Variants in MYRIP observed in about 807,000 individuals in gnomAD.
MYRIP encodes rab effector MyRIP.
Under a neutral mutation model 98.0 loss-of-function variants are expected in MYRIP, and 49 were observed. The observed-to-expected ratio is 0.50, with a 90% CI of 0.40 to 0.63. The LOEUF (loss-of-function observed/expected upper bound fraction) is 0.63, where lower values mean the gene tolerates loss of function less well. Ranked by LOEUF, MYRIP falls within the 30% of genes least tolerant of loss-of-function variation. The pLI is 0.00. For synonymous variants in MYRIP, 404 were observed against 409.5 expected, an observed-to-expected ratio of 0.99 and a Z score of 0.16; for missense variants, 1,004 against 1,058.2, an observed-to-expected ratio of 0.95 and a Z score of 0.71.
At chr3:40,092,472 G>T (rs964848531) in intron 3 of MYRIP, among the ~76,000 whole-genome samples, 19 of 152,250 alleles carry the variant, frequency 1.2e-4, no homozygotes, top group Non-Finnish European at 1.6e-4. Context: ...GGGGCATTCA[G>T]GAAAAATCCA....
At chr3:40,001,783 G>A (rs1946524521) in intron 2 of MYRIP, among the ~76,000 whole-genome samples, 1 of 152,172 alleles carries the variant, frequency 6.6e-6, no homozygotes, top group Admixed American at 6.5e-5. Context: ...GGGAAGAGCT[G>A]ATTGCAATAA....
rs116733324 is a variant in MYRIP at position 40,125,933 on chromosome 3, G to A, written c.333-25115G>A. ...CAGTGACATACTCAGGGGTCCCAGC[G>A]TGAGGGCTGTTCTCTTCCATCCAGA... On this transcript the variant is annotated intron_variant, in intron 3 of 16. Coordinates refer to ENST00000302541, the MANE Select transcript of MYRIP (RefSeq NM_015460.4). Among the ~76,000 whole-genome samples the A allele has an allele frequency of 5.4e-3, 816 of 152,184 alleles. 7 individuals carry two copies. The highest frequency in any genetic ancestry group is 0.018 in the African/African-American group (745 of 41,510).
chr3:40,194,408 A>C (rs1951329101), intron 10 of MYRIP, among the ~76,000 whole-genome samples: 2 of 152,056 alleles, frequency 1.3e-5, no homozygotes, highest in African/African-American at 4.8e-5. Context: ...TGTTCCATTG[A>C]TCTAGAAGCC....
At chr3:39,974,789 T>A (rs941842641) in intron 2 of MYRIP, among the ~76,000 whole-genome samples, 2 of 152,070 alleles carry the variant, frequency 1.3e-5, no homozygotes, top group African/African-American at 4.8e-5. Flanking sequence ...ACAGAACCAA[T>A]GATAAAAACC....
chr3:40,202,038 T>C (rs1472341897), intron 10 of MYRIP, among the ~76,000 whole-genome samples: 1 of 152,192 alleles, frequency 6.6e-6, no homozygotes, highest in African/African-American at 2.4e-5. Flanking sequence ...TTTGCCACAC[T>C]GAGTGCCCTA....
At position 39,867,325 on chromosome 3, in the gene MYRIP, TTAAAC is replaced by T. The variant is rs1339763304; in HGVS notation, c.-30-33457_-30-33453del. On this transcript the variant is annotated intron_variant, in intron 1 of 16. Coordinates refer to ENST00000302541, the MANE Select transcript of MYRIP (RefSeq NM_015460.4). ...AAAAAAATAAACATGTTGTACTACA[TTAAAC>T]TAAAAAGCTTCTGCATAGCAAAAGA... 3.3e-5 allele frequency among the ~76,000 whole-genome samples: 5 copies of T among 152,108 alleles called. No individual in the cohort carries two copies. The East Asian group carries it at 5.8e-4, about 18-fold the overall frequency.
At chr3:40,244,918 C>A (rs1489315049) in intron 13 of MYRIP, among the ~76,000 whole-genome samples, 1 of 152,228 alleles carries the variant, frequency 6.6e-6, no homozygotes, top group African/African-American at 2.4e-5. Flanking sequence ...CACTCCAAGA[C>A]CATCCTTTTC....
chr3:40,001,265 C>G (rs1303545755), intron 2 of MYRIP, among the ~76,000 whole-genome samples: 2 of 152,082 alleles, frequency 1.3e-5, no homozygotes, highest in Non-Finnish European at 2.9e-5. Flanking sequence ...AAAGTGGTTG[C>G]CTGCAGACTT....
At chr3:40,243,236 G>C (rs1472350182) in intron 12 of MYRIP, among the ~76,000 whole-genome samples, 1 of 152,102 alleles carries the variant, frequency 6.6e-6, no homozygotes, top group Non-Finnish European at 1.5e-5. Context: ...GCCTGATGAT[G>C]ATGCGCAAAT....
intron 3 of MYRIP, among the ~76,000 whole-genome samples, chr3:40,066,480 G>A (rs1948130310): frequency 2.0e-5 from 3 of 152,126 alleles, no homozygotes; most frequent in African/African-American, 7.2e-5. Context: ...TAGAATTAAG[G>A]TTGTAGATGA....
intron 2 of MYRIP, among the ~76,000 whole-genome samples, chr3:39,976,940 A>C (rs1945768628): frequency 6.6e-6 from 1 of 152,168 alleles, no homozygotes; most frequent in South Asian, 2.1e-4. Flanking sequence ...AGATATACCT[A>C]ATGTTAAATG....
chr3:40,025,498 T>C (rs1383256163), intron 2 of MYRIP, among the ~76,000 whole-genome samples: 1 of 152,178 alleles, frequency 6.6e-6, no homozygotes, highest in Non-Finnish European at 1.5e-5. Context: ...ATTGTTATAC[T>C]CTAAGGTGGG....
chr3:39,980,435 T>G (rs555356136), intron 2 of MYRIP, among the ~76,000 whole-genome samples: 17 of 152,306 alleles, frequency 1.1e-4, no homozygotes, highest in Non-Finnish European at 2.1e-4. Flanking sequence ...AGAAAATGAA[T>G]GCAAGTTTAA....
At chr3:40,111,688 G>A (rs1290653215) in intron 3 of MYRIP, among the ~76,000 whole-genome samples, 2 of 151,896 alleles carry the variant, frequency 1.3e-5, no homozygotes, top group Admixed American at 1.3e-4. Flanking sequence ...TCCACACCTC[G>A]ATAAGATGGT....
At chr3:39,972,758 C>T (rs1025873947) in intron 2 of MYRIP, among the ~76,000 whole-genome samples, 2 of 150,482 alleles carry the variant, frequency 1.3e-5, no homozygotes, top group African/African-American at 5.0e-5. Flanking sequence ...TTTTTTCCCC[C>T]TTTCAATTTT....
intron 3 of MYRIP, among the ~76,000 whole-genome samples, chr3:40,099,652 CT>C (rs1948904202): frequency 6.6e-6 from 1 of 152,196 alleles, no homozygotes; most frequent in South Asian, 2.1e-4. Flanking sequence ...AAAAGATCCC[CT>C]GAGATTTCTC....
chr3:39,996,069 T>C (rs1559553353), intron 2 of MYRIP, among the ~76,000 whole-genome samples: 1 of 152,178 alleles, frequency 6.6e-6, no homozygotes, highest in East Asian at 1.9e-4. Context: ...TACCAGCCAC[T>C]GCAAAAACAT....
At chr3:39,909,960 A>G (rs7614208) in intron 2 of MYRIP, among the ~76,000 whole-genome samples, 67,328 of 151,244 alleles carry the variant, frequency 0.45, 15,251 homozygotes, top group East Asian at 0.56. Flanking sequence ...GGTAGATCTC[A>G]GCTCACTGCA....
chr3:39,854,399 G>T (rs975353218), intron 1 of MYRIP, among the ~76,000 whole-genome samples: 2 of 151,854 alleles, frequency 1.3e-5, no homozygotes, highest in Middle Eastern at 3.4e-3. Context: ...TTGTCTTCAG[G>T]CTCTAAAGTT....
Sources: gnomAD v4.1 joint callset for allele counts (sites outside exome capture counted in the v4.1 genomes callset) on GRCh38, gnomAD v4.1.1 for gene constraint, MANE v1.5 for transcripts, NCBI Gene and HGNC (gene_info 2026-07-23, HGNC 2026-07-21) for gene names.